SPPL3: variants seen among roughly 807,000 people sequenced by gnomAD.
SPPL3 encodes the protein signal peptide peptidase like 3, also known as signal peptide peptidase-like 3.
SPPL3 carries 5 observed loss-of-function variants against 42.4 expected under a neutral mutation model. That is an observed-to-expected ratio of 0.12 (90% CI 0.06 to 0.25). SPPL3 has a LOEUF of 0.25. SPPL3 is among the 10% of genes least tolerant of loss of function. The probability of loss-of-function intolerance (pLI) is 1.00; values close to 1 mark genes in which losing one functional copy is unlikely to be tolerated. For synonymous variants in SPPL3, 195 were observed against 181.8 expected, an observed-to-expected ratio of 1.07 and a Z score of -0.58; for missense variants, 235 against 489.0, an observed-to-expected ratio of 0.48 and a Z score of 4.90.
chr12:120,890,860 G>A (rs527966364), intron 1 of SPPL3, among the ~76,000 whole-genome samples: 19 of 152,270 alleles, frequency 1.2e-4, no homozygotes, highest in Admixed American at 5.9e-4. Flanking sequence ...TGTCTCCGAG[G>A]TATCTAGCTG....
chr12:120,852,883 T>TGAAATAC (rs1592996151), intron 1 of SPPL3, among the ~76,000 whole-genome samples: 7 of 145,216 alleles, frequency 4.8e-5, no homozygotes, highest in African/African-American at 1.5e-4. Flanking sequence ...ACATATCATA[T>TGAAATAC]ATATTTCATA....
At chr12:120,781,952 T>C (rs563518606) in intron 6 of SPPL3, among the ~76,000 whole-genome samples, 2 of 150,978 alleles carry the variant, frequency 1.3e-5, no homozygotes, top group Non-Finnish European at 1.5e-5. Context: ...ATCATAGCTC[T>C]CTGTAATCTT....
chr12:120,841,516 T>C (rs1034506337), intron 1 of SPPL3, among the ~76,000 whole-genome samples: 8 of 152,196 alleles, frequency 5.3e-5, no homozygotes, highest in South Asian at 2.1e-4. Flanking sequence ...CTTCATGTTA[T>C]GGAAGTATGA....
intron 1 of SPPL3, among the ~76,000 whole-genome samples, chr12:120,901,444 A>G (rs1238973515): frequency 2.6e-5 from 4 of 151,874 alleles, no homozygotes; most frequent in African/African-American, 9.7e-5. Flanking sequence ...TACAAAAAAA[A>G]GCCGGGCATG....
chr12:120,881,606 A>T (rs1873288377), intron 1 of SPPL3, among the ~76,000 whole-genome samples: 1 of 150,918 alleles, frequency 6.6e-6, no homozygotes, highest in African/African-American at 2.5e-5. Context: ...TTTGTACACC[A>T]ATATTCATTG....
At chr12:120,857,210 TC>T (rs1302451701) in intron 1 of SPPL3, among the ~76,000 whole-genome samples, 1 of 152,222 alleles carries the variant, frequency 6.6e-6, no homozygotes, top group Non-Finnish European at 1.5e-5. Context: ...GCTAAAGTCT[TC>T]CTGCCCACTT....
chr12:120,786,483 A>G (rs1160999538), intron 3 of SPPL3, among the ~76,000 whole-genome samples: 1 of 152,214 alleles, frequency 6.6e-6, no homozygotes, highest in East Asian at 1.9e-4. Flanking sequence ...TACTGATTCA[A>G]AGTATGAAGA....
rs998927012 is a variant in SPPL3, at chr12:120,880,791, GA to G, written c.23+23053del. Among the ~76,000 whole-genome samples the G allele has an allele frequency of 2.0e-4, 30 of 149,678 alleles. 1 individual carries two copies. Among genetic ancestry groups the G allele is most frequent in the African/African-American group, 4.9e-4 (20 of 40,662 alleles). ...GACAGAGAGAGACTCCGTCTCGGGGGAAAAAAAAATTATTTGCAAATCATAT... is the reference window on the plus strand; with the variant it reads ...GACAGAGAGAGACTCCGTCTCGGGGGAAAAAAAATTATTTGCAAATCATAT... On this transcript the variant is annotated intron_variant, in intron 1 of 10. Transcript: ENST00000353487.
intron 2 of SPPL3, among the ~76,000 whole-genome samples, chr12:120,801,599 C>T (rs549801980): frequency 1.1e-4 from 17 of 152,254 alleles, no homozygotes; most frequent in South Asian, 8.3e-4. Context: ...CTGCTTGACG[C>T]GCTACATCTT....
intron 1 of SPPL3, among the ~76,000 whole-genome samples, chr12:120,847,537 GC>G (rs1287839021): frequency 6.6e-6 from 1 of 151,952 alleles, no homozygotes; most frequent in Admixed American, 6.6e-5. Context: ...AAAGCAATCT[GC>G]CTGCCTTGGC....
chr12:120,821,196 C>G (rs575363740), intron 1 of SPPL3, among the ~76,000 whole-genome samples: 7 of 152,200 alleles, frequency 4.6e-5, no homozygotes, highest in African/African-American at 1.4e-4. Context: ...GATTTATTGC[C>G]GGGGGCGGGG....
intron 1 of SPPL3, among the ~76,000 whole-genome samples, chr12:120,827,383 T>C (rs895971221): frequency 6.7e-6 from 1 of 149,876 alleles, no homozygotes; most frequent in Non-Finnish European, 1.5e-5. Context: ...ATAACAATAA[T>C]AATAATAATA....
chr12:120,833,766 A>AGTGTGT (rs71076664), intron 1 of SPPL3, among the ~76,000 whole-genome samples: 216 of 146,734 alleles, frequency 1.5e-3, no homozygotes, highest in African/African-American at 5.2e-3. Context: ...TGAGTTTTAA[A>AGTGTGT]GTGTGTGTGT....
chr12:120,791,754 C>T, intron 2 of SPPL3, 197 bp from the exon 3 acceptor site: 2 of 513,856 alleles, frequency 3.9e-6, no homozygotes, highest in Non-Finnish European at 6.8e-6. Flanking sequence ...GTTTTCCTGA[C>T]TGCAGATGAA....
chr12:120,880,512 G>T (rs1873246353), intron 1 of SPPL3, among the ~76,000 whole-genome samples: 1 of 152,036 alleles, frequency 6.6e-6, no homozygotes, highest in Non-Finnish European at 1.5e-5. Context: ...AAATCGGCCG[G>T]GTGTGGTAGC....
intron 1 of SPPL3, among the ~76,000 whole-genome samples, chr12:120,884,965 G>A (rs1413363354): frequency 6.6e-6 from 1 of 151,986 alleles, no homozygotes; most frequent in Non-Finnish European, 1.5e-5. Context: ...CTAAAGGAAT[G>A]GCATTATTTA....
chr12:120,891,410 C>G (rs2137066126), intron 1 of SPPL3, among the ~76,000 whole-genome samples: 1 of 152,104 alleles, frequency 6.6e-6, no homozygotes, highest in East Asian at 1.9e-4. Context: ...AAGCACACAT[C>G]AGGCCACGAG....
At chr12:120,889,293 T>C (rs935738275) in intron 1 of SPPL3, among the ~76,000 whole-genome samples, 1 of 152,222 alleles carries the variant, frequency 6.6e-6, no homozygotes, top group East Asian at 1.9e-4. Context: ...TGTGGTAGAT[T>C]GCATTAGAGG....
intron 2 of SPPL3, 88 bp from the exon 3 acceptor site, chr12:120,791,645 G>A: frequency 1.2e-6 from 1 of 819,630 alleles, no homozygotes; most frequent in Non-Finnish European, 2.0e-6. Context: ...TAAATGCCAA[G>A]GAATTAGGAA....
Sources: gnomAD v4.1 joint callset for allele counts (sites outside exome capture counted in the v4.1 genomes callset) on GRCh38, gnomAD v4.1.1 for gene constraint, MANE v1.5 for transcripts, NCBI Gene and HGNC (gene_info 2026-07-23, HGNC 2026-07-21) for gene names.